The following FOXP2 variants were observed in gnomAD, a reference collection of about 807,000 sequenced individuals.
FOXP2 encodes forkhead box P2.
A neutral mutation model predicts 115.8 loss-of-function variants in FOXP2; 12 were observed. That is an observed-to-expected ratio of 0.10 (90% CI 0.07 to 0.17). FOXP2 has a LOEUF of 0.17. Among genes scored for constraint, FOXP2 ranks in the 10% least tolerant of loss-of-function variants. FOXP2 has a pLI of 1.00. For synonymous variants in FOXP2, 328 were observed against 297.7 expected, an observed-to-expected ratio of 1.10 and a Z score of -1.05; for missense variants, 629 against 843.5, an observed-to-expected ratio of 0.75 and a Z score of 3.15.
chr7:114,364,691 A>G (rs1584668331), intron 2 of FOXP2, among the ~76,000 whole-genome samples: 1 of 152,260 alleles, frequency 6.6e-6, no homozygotes, highest in Non-Finnish European at 1.5e-5. Flanking sequence ...TTAGATTTCC[A>G]TAAACGGTAT....
At chr7:114,297,279 G>A (rs1796763574) in intron 2 of FOXP2, 3 of 530,766 alleles carry the variant, frequency 5.7e-6, no homozygotes, top group South Asian at 1.8e-5. Flanking sequence ...CCTATGGGGC[G>A]AACCCACACA....
At chr7:114,255,332 A>G (rs1263311461) in intron 1 of FOXP2, among the ~76,000 whole-genome samples, 1 of 152,154 alleles carries the variant, frequency 6.6e-6, no homozygotes, top group African/African-American at 2.4e-5. Flanking sequence ...AGACAGGGAC[A>G]TTTAAGTCTG....
At chr7:114,486,319 A>T (rs1240721554) in intron 2 of FOXP2, among the ~76,000 whole-genome samples, 2 of 152,072 alleles carry the variant, frequency 1.3e-5, no homozygotes, top group Non-Finnish European at 2.9e-5. Flanking sequence ...AAATCTCATG[A>T]GACTTATTCA....
At chr7:114,245,156 T>G (rs1458081803) in intron 1 of FOXP2, among the ~76,000 whole-genome samples, 1 of 152,198 alleles carries the variant, frequency 6.6e-6, no homozygotes, top group Non-Finnish European at 1.5e-5. Context: ...TTTTCTACCC[T>G]CTTGGTCCAG....
intron 2 of FOXP2, among the ~76,000 whole-genome samples, chr7:114,435,715 C>T (rs368687445): frequency 6.6e-6 from 1 of 151,978 alleles, no homozygotes; most frequent in African/African-American, 2.4e-5. Flanking sequence ...TTTTTTGTAT[C>T]TTTAGTAGAG....
At chr7:114,654,150 G>A in intron 10 of FOXP2, 141 bp downstream of exon 10, 1 of 1,537,486 alleles carries the variant, frequency 6.5e-7, no homozygotes, top group East Asian at 2.4e-5. Context: ...GTAATCGCTT[G>A]TCAAATTGTA....
chr7:114,193,118 A>G (rs1793807313), intron 1 of FOXP2, among the ~76,000 whole-genome samples: 1 of 152,138 alleles, frequency 6.6e-6, no homozygotes, highest in Admixed American at 6.6e-5. Context: ...ATACAGAGAT[A>G]AAAGACTTTC....
At chr7:114,293,457 A>T (rs1471316346) in intron 2 of FOXP2, among the ~76,000 whole-genome samples, 1 of 152,014 alleles carries the variant, frequency 6.6e-6, no homozygotes. Flanking sequence ...TTCCTGAAAG[A>T]CTCTGAGTCT....
intron 1 of FOXP2, among the ~76,000 whole-genome samples, chr7:114,127,804 ACAG>A (rs963046747): frequency 4.6e-5 from 7 of 152,198 alleles, no homozygotes; most frequent in African/African-American, 1.4e-4. Context: ...ATGTAAAGTC[ACAG>A]CTTCTTCCAC....
At chr7:114,429,487 A>G (rs539089468) in intron 2 of FOXP2, among the ~76,000 whole-genome samples, 2 of 151,656 alleles carry the variant, frequency 1.3e-5, no homozygotes, top group East Asian at 3.9e-4. Context: ...TGGACGTAGC[A>G]TATTTCAGAT....
upstream of FOXP2, among the ~76,000 whole-genome samples, chr7:114,162,404 C>T (rs1236931773): frequency 5.3e-5 from 8 of 152,092 alleles, no homozygotes. Flanking sequence ...TAAAAAAAAT[C>T]TCATTCCAGA....
intron 2 of FOXP2, among the ~76,000 whole-genome samples, chr7:114,461,034 C>T (rs1266747316): frequency 5.3e-5 from 8 of 152,048 alleles, no homozygotes; most frequent in South Asian, 2.1e-4. Context: ...AGAGGAAAAA[C>T]GGGCTAGAAA....
intron 2 of FOXP2, among the ~76,000 whole-genome samples, chr7:114,457,011 G>A (rs145165069): frequency 6.6e-5 from 10 of 152,102 alleles, no homozygotes; most frequent in African/African-American, 2.4e-4. Context: ...TGATTATCAA[G>A]GGCAAGGAGT....
At chr7:114,424,495 G>T (rs1200965918) in intron 1 of FOXP2, among the ~76,000 whole-genome samples, 1 of 151,410 alleles carries the variant, frequency 6.6e-6, no homozygotes, top group Non-Finnish European at 1.5e-5. Context: ...TCTACAGTTG[G>T]AGAGGATTGA....
intron 2 of FOXP2, among the ~76,000 whole-genome samples, chr7:114,318,663 C>T (rs1199112752): frequency 6.6e-6 from 1 of 151,140 alleles, no homozygotes; most frequent in East Asian, 1.9e-4. Context: ...CTGTCATCAC[C>T]ATATTTTTTC....
rs116477806 is a variant in FOXP2, at chr7:114,370,257, T to G, written c.-10-56245T>G. On this transcript the variant is annotated intron_variant, in intron 2 of 17. Transcript: ENST00000634411. Reference sequence around the variant, plus strand: ...TCAGATGTCTTCTCATTAGATGTACTTGCATGGTTCATTAAAGTGTCCTTA... The same window carrying G: ...TCAGATGTCTTCTCATTAGATGTACGTGCATGGTTCATTAAAGTGTCCTTA... Among the ~76,000 whole-genome samples the G allele has an allele frequency of 3.4e-3, 519 of 152,350 alleles. 3 individuals carry two copies. The highest frequency in any genetic ancestry group is 0.012 in the African/African-American group (499 of 41,576).
At chr7:114,450,450 G>T (rs1795024139) in intron 2 of FOXP2, among the ~76,000 whole-genome samples, 1 of 152,104 alleles carries the variant, frequency 6.6e-6, no homozygotes, top group Admixed American at 6.6e-5. Context: ...AGGGAAAGGT[G>T]TAAAATTTGT....
At chr7:114,688,108 G>A (rs1184963483) in intron 16 of FOXP2, among the ~76,000 whole-genome samples, 1 of 149,444 alleles carries the variant, frequency 6.7e-6, no homozygotes, top group African/African-American at 2.5e-5. Flanking sequence ...ATAAACTTCA[G>A]GGTTTTTTTT....
At chr7:114,111,152 T>C (rs185049247) in intron 1 of FOXP2, among the ~76,000 whole-genome samples, 2 of 152,298 alleles carry the variant, frequency 1.3e-5, no homozygotes, top group Admixed American at 1.3e-4. Flanking sequence ...ATCCAGGTTC[T>C]CATGAAGTCC....
Sources: allele counts gnomAD v4.1 joint callset (sites outside exome capture counted in the v4.1 genomes callset), GRCh38; gene constraint gnomAD v4.1.1; transcripts MANE v1.5; gene names NCBI Gene and HGNC (gene_info 2026-07-23, HGNC 2026-07-21).